Variants in DST observed in about 807,000 individuals in gnomAD.
DST encodes dystonin.
In DST, 253 loss-of-function variants were observed where a neutral mutation model predicts 875.2. The observed-to-expected ratio is 0.29, with a 90% CI of 0.26 to 0.32. DST has a LOEUF of 0.32. Ranked by LOEUF, DST falls within the 10% of genes least tolerant of loss-of-function variation. DST has a pLI of 1.00. For missense variants in DST, 8,287 were observed against 9,111.6 expected (o/e 0.91, Z 3.68); for synonymous variants, 3,124 against 3,197.1 (o/e 0.98, Z 0.77).
intron 36 of DST, chr6:56,617,028 T>C: frequency 1.9e-6 from 3 of 1,613,176 alleles, no homozygotes; most frequent in Non-Finnish European, 2.5e-6. Flanking sequence ...TTTTCTTTTG[T>C]AGATTCTAGG....
intron 36 of DST, among the ~76,000 whole-genome samples, chr6:56,624,122 A>G (rs1031624501): frequency 3.9e-5 from 6 of 152,166 alleles, no homozygotes; most frequent in Admixed American, 6.5e-5. Flanking sequence ...TTTAAAATGC[A>G]TAAGACAAAT....
chr6:56,526,093 A>C (rs1363812493), intron 69 of DST, among the ~76,000 whole-genome samples: 1 of 152,166 alleles, frequency 6.6e-6, no homozygotes, highest in Non-Finnish European at 1.5e-5. Flanking sequence ...TTGTTTGGAA[A>C]GCTGGGCTGA....
At chr6:56,937,579 A>G (rs1289007244) in intron 2 of DST, among the ~76,000 whole-genome samples, 1 of 152,232 alleles carries the variant, frequency 6.6e-6, no homozygotes, top group Admixed American at 6.5e-5. Flanking sequence ...TTGTACAGCC[A>G]TTTAAAAAAA....
intron 77 of DST, 59 bp downstream of exon 77, chr6:56,506,384 T>A (rs1029145779): frequency 2.9e-6 from 4 of 1,370,620 alleles, no homozygotes; most frequent in African/African-American, 2.9e-5. Flanking sequence ...TATGTAGACA[T>A]CAATTAGTAC....
chr6:56,519,489 G>C (rs1346740957), intron 69 of DST, among the ~76,000 whole-genome samples: 2 of 152,136 alleles, frequency 1.3e-5, no homozygotes, highest in Non-Finnish European at 2.9e-5. Context: ...GAGACCATGT[G>C]GGGAGGCTGG....
At chr6:56,754,191 A>T (rs1184976928) in intron 4 of DST, among the ~76,000 whole-genome samples, 1 of 152,230 alleles carries the variant, frequency 6.6e-6, no homozygotes, top group Non-Finnish European at 1.5e-5. Context: ...AAAGTAACTT[A>T]TTTATAAAGT....
At chr6:56,546,347 C>CATAT (rs10617867) in intron 61 of DST, among the ~76,000 whole-genome samples, 2,279 of 72,386 alleles carry the variant, frequency 0.031, 47 homozygotes, top group East Asian at 0.059. Flanking sequence ...ATACATATTT[C>CATAT]ATATATATAT....
intron 4 of DST, among the ~76,000 whole-genome samples, chr6:56,761,159 C>T (rs2099616303): frequency 6.6e-6 from 1 of 152,226 alleles, no homozygotes; most frequent in African/African-American, 2.4e-5. Context: ...GGCCCTCCTG[C>T]CCTCTGCCAG....
chr6:56,634,685 G>A, intron 25 of DST, 69 bp from the exon 26 acceptor site: 1 of 1,608,790 alleles, frequency 6.2e-7, no homozygotes, highest in Non-Finnish European at 8.5e-7. Flanking sequence ...CTCAATCCTG[G>A]GATTTTTTTT....
intron 61 of DST, among the ~76,000 whole-genome samples, chr6:56,537,977 C>T (rs2097045688): frequency 6.6e-6 from 1 of 151,930 alleles, no homozygotes; most frequent in Admixed American, 6.6e-5. Flanking sequence ...GGAGTAGATA[C>T]ATCAATATTA....
intron 2 of DST, among the ~76,000 whole-genome samples, chr6:56,942,096 T>C (rs542994472): frequency 5.3e-5 from 8 of 152,204 alleles, no homozygotes; most frequent in Non-Finnish European, 1.2e-4. Flanking sequence ...TTAATACCAT[T>C]TGCCTTGATT....
intron 5 of DST, among the ~76,000 whole-genome samples, chr6:56,721,327 T>C (rs960272578): frequency 6.6e-5 from 10 of 152,260 alleles, no homozygotes; most frequent in African/African-American, 2.4e-4. Context: ...CACAGGGTCC[T>C]GAGGCAACAT....
In DST at chr6:56,591,390, G is replaced by A. The variant is rs189827707; in HGVS notation, c.12903+792C>T. Among the ~76,000 whole-genome samples, 323 of 152,278 alleles carry A rather than the reference G, an allele frequency of 2.1e-3. 1 individual carries two copies. The highest frequency in any genetic ancestry group is 7.3e-3 in the African/African-American group (305 of 41,548). ...AACCCTAATCCTGGTCCTTAGAACC[G>A]CTGAATATGATGGTAGCATCCCTTC... On this transcript the variant is annotated intron_variant, in intron 49 of 103. Coordinates refer to ENST00000680361, the MANE Select transcript of DST (RefSeq NM_001374736.1).
At chr6:56,569,326 A>G (rs2097738128) in intron 54 of DST, among the ~76,000 whole-genome samples, 1 of 61,414 alleles carries the variant, frequency 1.6e-5, no homozygotes, top group Non-Finnish European at 3.9e-5. Flanking sequence ...CTCTGTCTCG[A>G]AAAAAAAAAA....
intron 9 of DST, among the ~76,000 whole-genome samples, chr6:56,672,462 T>A (rs1463197906): frequency 6.6e-6 from 1 of 152,154 alleles, no homozygotes; most frequent in Non-Finnish European, 1.5e-5. Context: ...CATGAACACA[T>A]CATATAGTAC....
intron 69 of DST, among the ~76,000 whole-genome samples, chr6:56,518,085 T>C (rs375453334): frequency 2.0e-5 from 3 of 152,312 alleles, no homozygotes; most frequent in East Asian, 3.9e-4. Flanking sequence ...TATACTATTA[T>C]GTTTATAAAT....
intron 80 of DST, 31 bp from the exon 81 acceptor site, chr6:56,498,084 T>A: frequency 1.9e-6 from 3 of 1,581,868 alleles, no homozygotes; most frequent in Non-Finnish European, 1.7e-6. Flanking sequence ...CCATGTTTGC[T>A]AGTTTGTAAC....
intron 34 of DST, 33 bp downstream of exon 34, chr6:56,627,171 T>A (rs754843212): frequency 1.3e-6 from 2 of 1,489,504 alleles, no homozygotes; most frequent in East Asian, 4.5e-5. Context: ...AACCTGAATA[T>A]TAAATTTTAC....
chr6:56,570,037 A>G lies in DST; in HGVS notation c.13722-25T>C, dbSNP rs1233940581. On this transcript the variant is annotated intron_variant, in intron 53 of 103. Transcript: ENST00000680361. ...TCTACATAACAAAAATCATACAAGA[A>G]TTTAAGTCACAGAAAGAAGAATAAA... The G allele has an allele frequency of 2.2e-5, 33 of 1,501,188 alleles. No homozygotes were observed. The East Asian group carries it at 7.3e-4, about 33-fold the overall frequency. 93.0% of individuals were successfully genotyped at this position (1,501,188 alleles called of 1,614,324 possible).
Sources: allele counts gnomAD v4.1 joint callset (sites outside exome capture counted in the v4.1 genomes callset), GRCh38; gene constraint gnomAD v4.1.1; transcripts MANE v1.5; gene names NCBI Gene and HGNC (gene_info 2026-07-23, HGNC 2026-07-21).